Variants in GCH1 observed in about 807,000 individuals in gnomAD.
GCH1 encodes the protein GTP cyclohydrolase I.
GCH1 carries 5 observed loss-of-function variants against 25.9 expected under a neutral mutation model. The ratio of observed to expected loss-of-function variants is 0.19; its 90% confidence interval spans 0.10 to 0.41. The LOEUF (loss-of-function observed/expected upper bound fraction) is 0.41, where lower values mean the gene tolerates loss of function less well. GCH1 is among the 10% of genes least tolerant of loss of function. The pLI is 1.00. For missense variants in GCH1, 261 were observed against 336.5 expected (o/e 0.78, Z 1.75); for synonymous variants, 159 against 129.6 (o/e 1.23, Z -1.54).
intron 3 of GCH1, among the ~76,000 whole-genome samples, chr14:54,852,894 T>G (rs536765132): frequency 6.6e-6 from 1 of 152,208 alleles, no homozygotes; most frequent in Non-Finnish European, 1.5e-5. Flanking sequence ...TGGATAAAAG[T>G]GCATCAGAGA....
chr14:54,872,142 TG>T (rs2040088789), intron 1 of GCH1, among the ~76,000 whole-genome samples: 2 of 152,274 alleles, frequency 1.3e-5, no homozygotes, highest in Non-Finnish European at 2.9e-5. Context: ...GACTAACAGC[TG>T]ATCTCTCGGC....
intron 5 of GCH1, among the ~76,000 whole-genome samples, chr14:54,844,687 C>T (rs1388956991): frequency 1.3e-5 from 2 of 152,234 alleles, no homozygotes; most frequent in Admixed American, 6.5e-5. Context: ...ACAGAGTTCA[C>T]ACCACGTCAC....
intron 1 of GCH1, among the ~76,000 whole-genome samples, chr14:54,883,706 A>T (rs965878398): frequency 2.0e-5 from 3 of 152,080 alleles, no homozygotes; most frequent in Middle Eastern, 6.8e-3. Context: ...AAAAGAAAAG[A>T]GAGAAAACAG....
intron 1 of GCH1, among the ~76,000 whole-genome samples, chr14:54,868,428 T>A (rs974938799): frequency 6.6e-6 from 1 of 151,220 alleles, no homozygotes; most frequent in Non-Finnish European, 1.5e-5. Context: ...ATTTTTTAAG[T>A]GTTTAAAAAT....
chr14:54,870,335 C>CAAAA (rs561453897), intron 1 of GCH1, among the ~76,000 whole-genome samples: 6 of 66,602 alleles, frequency 9.0e-5, no homozygotes, highest in Admixed American at 2.0e-4. Flanking sequence ...CTGTTTTTAC[C>CAAAA]AAAAAAAAAA....
intron 1 of GCH1, among the ~76,000 whole-genome samples, chr14:54,894,279 A>ATGTC (rs1213855984): frequency 6.6e-6 from 1 of 152,154 alleles, no homozygotes; most frequent in Admixed American, 6.6e-5. Context: ...ACATTCTTAT[A>ATGTC]AGACAAAACA....
In GCH1 at chr14:54,902,806, A is replaced by G; in HGVS notation, c.-143T>C. 9.0e-7 allele frequency: 1 copy of G among 1,117,084 alleles called. No homozygotes were observed. The highest frequency in any genetic ancestry group is 1.1e-6 in the Non-Finnish European group (1 of 873,638). The allele number at this position is 1,117,084 out of a possible 1,614,324, so 69.2% of individuals were successfully genotyped here. ...CGCAACCTGCTTAGATCACACTCCG[A>G]GCCGGGAGCGGCCACAGGCTGGAAA... On this transcript the variant is annotated 5_prime_UTR_variant, in exon 1 of 6. Transcript: ENST00000491895.
intron 1 of GCH1, among the ~76,000 whole-genome samples, chr14:54,870,789 C>T (rs1282543000): frequency 1.3e-5 from 2 of 152,202 alleles, no homozygotes; most frequent in Non-Finnish European, 2.9e-5. Context: ...AAGGCGGCAG[C>T]GAGGCTGGGG....
At chr14:54,899,511 ACTTTT>A (rs933939640) in intron 1 of GCH1, among the ~76,000 whole-genome samples, 1 of 151,988 alleles carries the variant, frequency 6.6e-6, no homozygotes, top group African/African-American at 2.4e-5. Flanking sequence ...CGCTCCATGG[ACTTTT>A]CTTTTCTGAA....
At chr14:54,883,355 G>T in intron 1 of GCH1, among the ~76,000 whole-genome samples, 1 of 117,542 alleles carries the variant, frequency 8.5e-6, no homozygotes. Flanking sequence ...CTGGGCGACA[G>T]AGTGAGACTC....
At chr14:54,858,935 C>T (rs1367453511) in intron 3 of GCH1, among the ~76,000 whole-genome samples, 1 of 152,084 alleles carries the variant, frequency 6.6e-6, no homozygotes, top group African/African-American at 2.4e-5. Flanking sequence ...ATAAAAAAGG[C>T]AGTAAGGGAA....
chr14:54,897,740 T>C (rs1375388710), intron 1 of GCH1, among the ~76,000 whole-genome samples: 1 of 152,180 alleles, frequency 6.6e-6, no homozygotes, highest in East Asian at 1.9e-4. Context: ...GCTCTACTAC[T>C]TGTGTCAACC....
rs189992719 is a variant in GCH1 at position 54,847,427 on chromosome 14, G to A, written c.510-297C>T. ...GGCAGACCCACACTTAATCTGGGTG[G>A]GCACAATCTCATCAGCTGCCAGCGA... On this transcript the variant is annotated intron_variant, in intron 3 of 5. Coordinates refer to ENST00000491895, the MANE Select transcript of GCH1 (RefSeq NM_000161.3). Among the ~76,000 whole-genome samples, 214 of 152,206 alleles carry A rather than the reference G, an allele frequency of 1.4e-3. 1 individual carries two copies. The highest frequency in any genetic ancestry group is 4.8e-3 in the African/African-American group (201 of 41,534).
intron 1 of GCH1, among the ~76,000 whole-genome samples, chr14:54,884,693 C>T (rs923723057): frequency 7.0e-6 from 1 of 141,866 alleles, no homozygotes; most frequent in Non-Finnish European, 1.5e-5. Flanking sequence ...TCGCTTGAAC[C>T]CAGAAGACAG....
chr14:54,880,501 C>CAT (rs1200018608), intron 1 of GCH1, among the ~76,000 whole-genome samples: 18 of 90,128 alleles, frequency 2.0e-4, no homozygotes, highest in South Asian at 7.4e-4. Flanking sequence ...ATATATACTC[C>CAT]ATATATATAT....
chr14:54,843,873 GA>G lies in GCH1; in HGVS notation c.*143del, dbSNP rs760110132. ...TTTATTATATTTATTTGACTTCCTA[GA>G]AATAATTTTAAATATAATTAGTGAC... On this transcript the variant is annotated 3_prime_UTR_variant, in exon 6 of 6. Coordinates refer to ENST00000491895, the MANE Select transcript of GCH1 (RefSeq NM_000161.3). 6.2e-7 allele frequency: 1 copy of G among 1,608,842 alleles called. No individual in the cohort carries two copies. The highest frequency in any genetic ancestry group is 8.5e-7 in the Non-Finnish European group (1 of 1,176,376).
Position 54,865,379 on chromosome 14 carries a change from T to C in GCH1, c.401A>G (p.Asp134Gly). 1 of 1,594,920 alleles carries C rather than the reference T, an allele frequency of 6.3e-7. No individual in the cohort carries two copies. Among genetic ancestry groups the C allele is most frequent in the Non-Finnish European group, 8.6e-7 (1 of 1,162,862 alleles). Residue 134 changes from aspartate to glycine, a missense_variant, in exon 2 of 6, where the codon GAC (aspartate) becomes GGC (glycine). Asp to Gly is a moderately conservative substitution (Grantham distance 94, BLOSUM62 -1). Around this residue, in one of 3 missense-constraint regions of GCH1, gnomAD observed 130 missense variants for 184.1 expected, o/e 0.71. Coordinates refer to ENST00000491895, the MANE Select transcript of GCH1 (RefSeq NM_000161.3). ...EDHDEMVIVK[D>G]IDMFSMCEHH... is the part of the protein sequence containing the mutation. ...CTCACACATGGAAAACATGTCTATG[T>C]CCTTCACAATCACCATCTCATCATG...
chr14:54,898,843 C>CA (rs2040523034), intron 1 of GCH1, among the ~76,000 whole-genome samples: 1 of 152,182 alleles, frequency 6.6e-6, no homozygotes. Flanking sequence ...TGGTCTCTTT[C>CA]TAACTCCTAA....
At chr14:54,845,087 C>A (rs1181271535) in intron 5 of GCH1, among the ~76,000 whole-genome samples, 1 of 152,030 alleles carries the variant, frequency 6.6e-6, no homozygotes, top group African/African-American at 2.4e-5. Context: ...GCAGGAGAAT[C>A]GCTTGAACCT....
Sources: allele counts gnomAD v4.1 joint callset (sites outside exome capture counted in the v4.1 genomes callset), GRCh38; gene constraint gnomAD v4.1.1; regional missense constraint gnomAD v4.1.1; transcripts MANE v1.5; gene names NCBI Gene and HGNC (gene_info 2026-07-23, HGNC 2026-07-21).